Variants in NRG1 observed in about 807,000 individuals in gnomAD.
NRG1 encodes the protein neuregulin 1, also known as pro-neuregulin-1, membrane-bound isoform.
A neutral mutation model predicts 63.8 loss-of-function variants in NRG1; 18 were observed. The observed-to-expected ratio is 0.28, with a 90% CI of 0.19 to 0.42. NRG1 has a LOEUF of 0.42. NRG1 is among the 10% of genes least tolerant of loss of function. The pLI, the probability that NRG1 is intolerant of heterozygous loss-of-function variation, is 1.00. For missense variants in NRG1, 762 were observed against 814.7 expected (o/e 0.94, Z 0.79); for synonymous variants, 302 against 301.3 (o/e 1.00, Z -0.02).
intron 1 of NRG1, among the ~76,000 whole-genome samples, chr8:32,220,055 C>T (rs1845648466): frequency 6.6e-6 from 1 of 152,030 alleles, no homozygotes; most frequent in African/African-American, 2.4e-5. Flanking sequence ...GGGAATTCCT[C>T]GTAGGTTTAA....
At chr8:32,719,512 AT>A (rs964962472) in intron 5 of NRG1, among the ~76,000 whole-genome samples, 26 of 152,020 alleles carry the variant, frequency 1.7e-4, no homozygotes, top group African/African-American at 5.8e-4. Context: ...CTATTTTTAA[AT>A]ATATCCATAA....
chr8:31,916,951 G>T (rs1448711724), intron 1 of NRG1, among the ~76,000 whole-genome samples: 7 of 151,948 alleles, frequency 4.6e-5, no homozygotes, highest in South Asian at 4.1e-4. Context: ...TTCTCTGATG[G>T]CCAGTGATGG....
At chr8:32,653,631 G>A (rs1362594517) in intron 5 of NRG1, among the ~76,000 whole-genome samples, 4 of 152,184 alleles carry the variant, frequency 2.6e-5, no homozygotes, top group Admixed American at 6.5e-5. Flanking sequence ...CTTCTAGCAT[G>A]TACATAAAGA....
At chr8:31,712,075 C>A (rs1811815935) in intron 1 of NRG1, among the ~76,000 whole-genome samples, 1 of 151,916 alleles carries the variant, frequency 6.6e-6, no homozygotes, top group Admixed American at 6.6e-5. Context: ...GTCTCTCATT[C>A]TTTTCAAGTC....
chr8:32,015,450 G>T (rs1328413513), intron 1 of NRG1, among the ~76,000 whole-genome samples: 1 of 152,104 alleles, frequency 6.6e-6, no homozygotes, highest in Non-Finnish European at 1.5e-5. Context: ...TTCTTTAGGG[G>T]AAGCAAAAAC....
At chr8:31,934,373 A>G (rs998369952) in intron 1 of NRG1, among the ~76,000 whole-genome samples, 3 of 147,664 alleles carry the variant, frequency 2.0e-5, no homozygotes, top group Non-Finnish European at 4.4e-5. Flanking sequence ...ACATATATAT[A>G]TCTTTCTCCC....
chr8:32,733,018 G>C (rs1389173917), intron 6 of NRG1, among the ~76,000 whole-genome samples: 1 of 151,868 alleles, frequency 6.6e-6, no homozygotes, highest in African/African-American at 2.4e-5. Flanking sequence ...CGTTGGTCAG[G>C]CTGGCCTCAA....
At chr8:32,755,848 T>G (rs1829578285) in intron 8 of NRG1, among the ~76,000 whole-genome samples, 1 of 152,074 alleles carries the variant, frequency 6.6e-6, no homozygotes, top group East Asian at 1.9e-4. Flanking sequence ...GTTCAAGTGA[T>G]GCTCATGCCT....
chr8:32,391,787 C>A (rs562801911), intron 1 of NRG1, among the ~76,000 whole-genome samples: 13 of 152,088 alleles, frequency 8.5e-5, no homozygotes, highest in Non-Finnish European at 1.9e-4. Flanking sequence ...AGGTTGATTC[C>A]TATATATTTT....
intron 1 of NRG1, among the ~76,000 whole-genome samples, chr8:31,953,707 A>G (rs1196739545): frequency 1.3e-5 from 2 of 152,182 alleles, no homozygotes; most frequent in Non-Finnish European, 2.9e-5. Context: ...ATTTTTCGCA[A>G]ATAAGGCCAT....
At chr8:31,859,468 C>T (rs754209476) in intron 1 of NRG1, among the ~76,000 whole-genome samples, 31 of 152,236 alleles carry the variant, frequency 2.0e-4, no homozygotes, top group African/African-American at 6.5e-4. Context: ...CGTAAACCAT[C>T]GTCCCCTGAG....
At chr8:31,743,587 T>G (rs889308418) in intron 1 of NRG1, among the ~76,000 whole-genome samples, 9 of 151,834 alleles carry the variant, frequency 5.9e-5, no homozygotes, top group African/African-American at 1.9e-4. Context: ...TGTGTGTGTG[T>G]GGGTGTGTGT....
intron 1 of NRG1, among the ~76,000 whole-genome samples, chr8:31,708,863 A>C (rs1811443616): frequency 6.6e-6 from 1 of 152,200 alleles, no homozygotes; most frequent in Admixed American, 6.5e-5. Flanking sequence ...GGTTAGGGGC[A>C]CCAAACCCCA....
intron 1 of NRG1, among the ~76,000 whole-genome samples, chr8:32,168,903 A>G (rs998426171): frequency 6.6e-6 from 1 of 152,092 alleles, no homozygotes; most frequent in African/African-American, 2.4e-5. Flanking sequence ...TATAAATTCC[A>G]TCATGTCAGG....
intron 1 of NRG1, among the ~76,000 whole-genome samples, chr8:32,210,046 T>C (rs1476084826): frequency 6.6e-6 from 1 of 152,160 alleles, no homozygotes; most frequent in African/African-American, 2.4e-5. Flanking sequence ...TCCTGCAATA[T>C]GATAAACACA....
At chr8:31,738,851 G>GT (rs1814960844) in intron 1 of NRG1, among the ~76,000 whole-genome samples, 1 of 151,898 alleles carries the variant, frequency 6.6e-6, no homozygotes, top group Admixed American at 6.6e-5. Context: ...TCATCTTTTT[G>GT]TAAGTACACC....
chr8:32,648,409 G>C lies in NRG1; in HGVS notation c.502+31524G>C, dbSNP rs556434034. The C allele has an allele frequency of 9.4e-6, 15 of 1,599,586 alleles. No homozygotes were observed. In the South Asian group the frequency reaches 1.6e-4, roughly 17 times the overall value. On this transcript the variant is annotated intron_variant, in intron 5 of 11. Coordinates refer to ENST00000356819, the Ensembl canonical transcript of NRG1. ...TGTAAGTAGAGAGAGAGAGAGAGAC[G>C]ATGATGATGATGAATAAAAGGGGTG...
chr8:32,659,339 G>A (rs1171163070), intron 5 of NRG1, among the ~76,000 whole-genome samples: 1 of 151,756 alleles, frequency 6.6e-6, no homozygotes, highest in Admixed American at 6.6e-5. Context: ...TTAGAGACAG[G>A]GTTTCACCAT....
intron 1 of NRG1, among the ~76,000 whole-genome samples, chr8:31,977,804 T>C (rs1464574124): frequency 1.3e-5 from 2 of 152,128 alleles, no homozygotes; most frequent in East Asian, 3.9e-4. Flanking sequence ...ACAGATTCAA[T>C]TCTGTGTAGG....
Sources: gnomAD v4.1 joint callset for allele counts (sites outside exome capture counted in the v4.1 genomes callset) on GRCh38, gnomAD v4.1.1 for gene constraint, MANE v1.5 for transcripts, NCBI Gene and HGNC (gene_info 2026-07-23, HGNC 2026-07-21) for gene names.